MYRFL: variants seen among roughly 807,000 people sequenced by gnomAD.
The protein encoded by MYRFL is myelin regulatory factor like, also known as myelin regulatory factor-like protein.
MYRFL carries 88 observed loss-of-function variants against 109.4 expected under a neutral mutation model. The observed-to-expected ratio is 0.80, with a 90% CI of 0.68 to 0.96. The LOEUF is 0.96. Ranked by LOEUF, MYRFL falls within the 40% of genes least tolerant of loss-of-function variation. The pLI is 0.00. For missense variants in MYRFL, 957 were observed against 954.9 expected, an observed-to-expected ratio of 1.00 and a Z score of -0.03; for synonymous variants, 324 against 320.9, an observed-to-expected ratio of 1.01 and a Z score of -0.10.
At chr12:69,951,956 T>C (rs2120547513) in intron 19 of MYRFL, among the ~76,000 whole-genome samples, 157 bp from the exon 20 acceptor site, 1 of 152,216 alleles carries the variant, frequency 6.6e-6, no homozygotes, top group African/African-American at 2.4e-5. Context: ...ATAAACTAGA[T>C]CTATAAGAAA....
At chr12:69,842,088 A>G (rs936576202) in intron 1 of MYRFL, among the ~76,000 whole-genome samples, 1 of 152,100 alleles carries the variant, frequency 6.6e-6, no homozygotes, top group African/African-American at 2.4e-5. Flanking sequence ...CTTAACTACT[A>G]TTGCTTCTTT....
intron 2 of MYRFL, among the ~76,000 whole-genome samples, chr12:69,859,416 A>T (rs1884498611): frequency 6.6e-6 from 1 of 152,142 alleles, no homozygotes; most frequent in African/African-American, 2.4e-5. Flanking sequence ...TACTAATTTT[A>T]TCTACGACAG....
At chr12:69,912,376 C>T (rs770747932) in intron 13 of MYRFL, among the ~76,000 whole-genome samples, 1 of 152,164 alleles carries the variant, frequency 6.6e-6, no homozygotes, top group Non-Finnish European at 1.5e-5. Flanking sequence ...TTGATACGTT[C>T]ATCATGTTAT....
In MYRFL at chr12:69,901,121, G is replaced by C. The variant is rs542919804; in HGVS notation, c.1183-2523G>C. 5.2e-4 allele frequency among the ~76,000 whole-genome samples: 79 copies of C among 152,338 alleles called. 1 individual carries two copies. Among genetic ancestry groups the C allele is most frequent in the Admixed American group, 4.3e-3 (66 of 15,302 alleles). On this transcript the variant is annotated intron_variant, in intron 10 of 24. Transcript: ENST00000552032. Reference sequence around the variant, plus strand: ...TGCCCCAAGGTCACACAGCTAGTTTGTGTTATAACATAGACTAGAATGCTC... The same window carrying C: ...TGCCCCAAGGTCACACAGCTAGTTTCTGTTATAACATAGACTAGAATGCTC...
intron 17 of MYRFL, 48 bp downstream of exon 17, chr12:69,936,235 G>T (rs1592865153): frequency 6.5e-7 from 1 of 1,535,696 alleles, no homozygotes; most frequent in Non-Finnish European, 8.7e-7. Flanking sequence ...TTGGAGAGAA[G>T]GATTTTTGCA....
In MYRFL at chr12:69,936,202, C is replaced by A. The variant is rs1955460029; in HGVS notation, c.1991+15C>A. ...CTCCCTCCAAGGTGAGAGTTCAGTT[C>A]AATTTTCTGGCCTAAAATTCCTTTG... On this transcript the variant is annotated intron_variant, in intron 17 of 24. Transcript: ENST00000552032. 6.9e-7 allele frequency: 1 copy of A among 1,445,706 alleles called. No individual in the cohort carries two copies. Among genetic ancestry groups the A allele is most frequent in the African/African-American group, 1.5e-5 (1 of 67,676 alleles). The allele number at this position is 1,445,706 out of a possible 1,614,324, so 89.6% of individuals were successfully genotyped here. A position where few individuals can be genotyped will look rare whatever the true frequency, so the allele number is the denominator to read the frequency against.
rs1456243675 is a variant in MYRFL at position 69,873,307 on chromosome 12, TTGGGCTGCATCCGTCC to T, written c.138-5710_138-5695del. On this transcript the variant is annotated intron_variant, in intron 2 of 24. Transcript: ENST00000552032. Reference sequence around the variant, plus strand: ...TTTTTTACAAGTTTACAAATTTGTGTTGGGCTGCATCCGTCCTGGGCTGCATGCAGCCCACGGGTGG... The same window carrying T: ...TTTTTTACAAGTTTACAAATTTGTGTTGGGCTGCATGCAGCCCACGGGTGG... 2.0e-5 allele frequency among the ~76,000 whole-genome samples: 3 copies of T among 152,282 alleles called. No individual in the cohort carries two copies. In the East Asian group the frequency reaches 5.8e-4, roughly 29 times the overall value.
chr12:69,955,225 G>T (rs1956065683), intron 21 of MYRFL, 138 bp from the exon 22 acceptor site: 1 of 374,264 alleles, frequency 2.7e-6, no homozygotes, highest in Non-Finnish European at 4.7e-6. Context: ...ATGATACCAG[G>T]TTGAACTCAG....
At chr12:69,894,112 T>C (rs1203489318) in intron 8 of MYRFL, among the ~76,000 whole-genome samples, 2 of 149,334 alleles carry the variant, frequency 1.3e-5, no homozygotes, top group African/African-American at 4.9e-5. Context: ...TTCTCCTGCC[T>C]CAGCCTCCAG....
In MYRFL at chr12:69,936,078, G is replaced by GTTTTTTTTTTT; in HGVS notation, c.1917-16_1917-6dup. On this transcript the variant is annotated intron_variant, in intron 16 of 24. Coordinates refer to ENST00000552032, the MANE Select transcript of MYRFL (RefSeq NM_182530.3). ...TCTGGAAACAAATCTGCCACATAAT[G>GTTTTTTTTTTT]TTTTTTTTTTTTTTTTTTTTTTTTT... 2.1e-5 allele frequency: 19 copies of GTTTTTTTTTTT among 891,620 alleles called. 1 individual carries two copies. The highest frequency in any genetic ancestry group is 1.4e-4 in the South Asian group (8 of 55,426). 55.2% of individuals were successfully genotyped at this position (891,620 alleles called of 1,614,324 possible).
At chr12:69,918,646 T>C (rs572703203) in intron 13 of MYRFL, among the ~76,000 whole-genome samples, 1 of 152,318 alleles carries the variant, frequency 6.6e-6, no homozygotes, top group Admixed American at 6.5e-5. Context: ...TTTCTAAATT[T>C]TGCAATTCTG....
chr12:69,850,308 T>C (rs1883805908), intron 1 of MYRFL, among the ~76,000 whole-genome samples: 1 of 152,076 alleles, frequency 6.6e-6, no homozygotes, highest in Admixed American at 6.5e-5. Flanking sequence ...GATAGATGGA[T>C]AGAAATTATC....
At chr12:69,884,265 C>T (rs1886313677) in intron 5 of MYRFL, among the ~76,000 whole-genome samples, 1 of 152,180 alleles carries the variant, frequency 6.6e-6, no homozygotes, top group Non-Finnish European at 1.5e-5. Context: ...AAGTAGGAGA[C>T]ATTGTTAGTA....
chr12:69,849,165 C>T (rs556163696), intron 1 of MYRFL, among the ~76,000 whole-genome samples: 3 of 152,358 alleles, frequency 2.0e-5, no homozygotes, highest in East Asian at 1.9e-4. Context: ...AGCCATTGCG[C>T]CCAGCCAACA....
chr12:69,845,493 T>A (rs1400577801), intron 1 of MYRFL, among the ~76,000 whole-genome samples: 3 of 152,230 alleles, frequency 2.0e-5, no homozygotes, highest in Non-Finnish European at 4.4e-5. Context: ...GTGGGATATA[T>A]TCCACTCATT....
intron 7 of MYRFL, among the ~76,000 whole-genome samples, chr12:69,892,704 A>G (rs897422791): frequency 3.3e-5 from 5 of 152,256 alleles, no homozygotes; most frequent in Admixed American, 3.3e-4. Flanking sequence ...ACATATAAAC[A>G]TCAAACAAAC....
chr12:69,857,240 GC>G (rs1884350226), intron 2 of MYRFL, among the ~76,000 whole-genome samples: 1 of 151,678 alleles, frequency 6.6e-6, no homozygotes, highest in African/African-American at 2.4e-5. Flanking sequence ...CTATCATTTT[GC>G]CAACACAACA....
intron 2 of MYRFL, among the ~76,000 whole-genome samples, chr12:69,878,349 T>C (rs1383556441): frequency 6.6e-6 from 1 of 152,146 alleles, no homozygotes; most frequent in African/African-American, 2.4e-5. Flanking sequence ...CTGAACTCCT[T>C]TTAAGAGCTT....
Position 69,880,257 on chromosome 12 carries a change from G to A in MYRFL, c.521G>A (p.Gly174Glu), listed in dbSNP as rs1565992125. The change falls in exon 5 of 25, where the codon GGG becomes GAG. Residue 174 changes from glycine (G) to glutamate (E), a missense_variant. Transcript: ENST00000552032. ...TGCACGCAGGCACTGGAGGACTCCG[G>A]GGAATGCCGAGTGTGGGCCTGCCAC... ...RKCTQALEDS[G>E]ECRVWACHCR... 1 of 702,728 alleles carries A rather than the reference G, an allele frequency of 1.4e-6. No individual in the cohort carries two copies. Among genetic ancestry groups the A allele is most frequent in the Non-Finnish European group, 2.6e-6 (1 of 384,796 alleles). The allele number at this position is 702,728 out of a possible 1,614,324, so 43.5% of individuals were successfully genotyped here. A position where few individuals can be genotyped will look rare whatever the true frequency, so the allele number is the denominator to read the frequency against.
Sources: gnomAD v4.1 joint callset for allele counts (sites outside exome capture counted in the v4.1 genomes callset) on GRCh38, gnomAD v4.1.1 for gene constraint, MANE v1.5 for transcripts, NCBI Gene and HGNC (gene_info 2026-07-23, HGNC 2026-07-21) for gene names.